The following ANKS1B variants were observed in gnomAD, a reference collection of about 807,000 sequenced individuals.
ANKS1B encodes the protein ankyrin repeat and sterile alpha motif domain-containing protein 1B.
A neutral mutation model predicts 148.3 loss-of-function variants in ANKS1B; 36 were observed. The ratio of observed to expected loss-of-function variants is 0.24; its 90% CI spans 0.19 to 0.32. ANKS1B has a LOEUF of 0.32. Ranked by LOEUF, ANKS1B falls within the 10% of genes least tolerant of loss-of-function variation. ANKS1B has a pLI of 1.00. For missense variants in ANKS1B, 1,157 were observed against 1,542.6 expected (o/e 0.75, Z 4.19); for synonymous variants, 542 against 560.8 (o/e 0.97, Z 0.47).
rs1306424606 is a variant in ANKS1B at position 99,405,798 on chromosome 12, A to G, written c.1576-5987T>C. ...ACAATCTATTGCCTGCAAGAAATAC[A>G]CTTCACCTATAAAGATACACATAGA... On this transcript the variant is annotated intron_variant, in intron 11 of 26. Coordinates refer to ENST00000683438, the MANE Select transcript of ANKS1B (RefSeq NM_001352186.2). Among the ~76,000 whole-genome samples, 6 of 145,126 alleles carry G rather than the reference A, an allele frequency of 4.1e-5. 2 individuals are homozygous for G. The highest frequency in any genetic ancestry group is 1.6e-4 in the African/African-American group (6 of 38,310).
At chr12:99,854,329 T>C (rs1319968167) in intron 1 of ANKS1B, among the ~76,000 whole-genome samples, 1 of 152,108 alleles carries the variant, frequency 6.6e-6, no homozygotes, top group Non-Finnish European at 1.5e-5. Context: ...GGTTTTTGAA[T>C]TAACCCAATC....
rs138044324 is a variant in ANKS1B at position 99,935,439 on chromosome 12, A to G, written c.134+48665T>C. On this transcript the variant is annotated intron_variant, in intron 1 of 26. Transcript: ENST00000683438. ...ACAGGTTTTGTGGTCAGGAGTCTGA[A>G]TTAGCTAGGTCCTCTACACAGGGTC... Among the ~76,000 whole-genome samples the G allele has an allele frequency of 5.3e-3, 812 of 152,138 alleles. 12 individuals carry two copies. The highest frequency in any genetic ancestry group is 0.019 in the African/African-American group (768 of 41,504).
chr12:99,701,833 G>A (rs942038703), intron 8 of ANKS1B, among the ~76,000 whole-genome samples: 5 of 151,990 alleles, frequency 3.3e-5, no homozygotes, highest in East Asian at 1.9e-4. Flanking sequence ...TTTATATAAC[G>A]TCCTCTAGTT....
At chr12:99,028,095 C>A (rs1016389067) in intron 17 of ANKS1B, among the ~76,000 whole-genome samples, 5 of 152,128 alleles carry the variant, frequency 3.3e-5, no homozygotes, top group African/African-American at 1.2e-4. Flanking sequence ...TGTCCAATGT[C>A]ATTTGTTATC....
At chr12:99,060,698 C>T (rs867330771) in intron 16 of ANKS1B, among the ~76,000 whole-genome samples, 135 of 42,096 alleles carry the variant, frequency 3.2e-3, no homozygotes, top group African/African-American at 8.0e-3. Context: ...CACACACACA[C>T]ACATATATAT....
At chr12:99,637,927 C>G (rs2098257386) in intron 9 of ANKS1B, among the ~76,000 whole-genome samples, 1 of 151,698 alleles carries the variant, frequency 6.6e-6, no homozygotes, top group Non-Finnish European at 1.5e-5. Flanking sequence ...CCCTAATACA[C>G]CATGTGTCAT....
At chr12:99,032,677 G>GT (rs1568459213) in intron 17 of ANKS1B, among the ~76,000 whole-genome samples, 2 of 152,156 alleles carry the variant, frequency 1.3e-5, no homozygotes, top group South Asian at 4.1e-4. Flanking sequence ...CTTTTGGAAT[G>GT]CCACCATTCA....
intron 10 of ANKS1B, among the ~76,000 whole-genome samples, chr12:99,493,657 C>A (rs2096575613): frequency 6.6e-6 from 1 of 152,050 alleles, no homozygotes; most frequent in East Asian, 1.9e-4. Flanking sequence ...GCAATAATGA[C>A]CTTCAGGCTG....
intron 17 of ANKS1B, among the ~76,000 whole-genome samples, chr12:98,970,604 G>A (rs1051346071): frequency 2.6e-5 from 4 of 152,160 alleles, no homozygotes; most frequent in African/African-American, 9.7e-5. Flanking sequence ...AGTTCATGTG[G>A]ATCAAAATTG....
chr12:98,776,390 T>C (rs148162719), intron 24 of ANKS1B, among the ~76,000 whole-genome samples: 9 of 152,316 alleles, frequency 5.9e-5, no homozygotes, highest in African/African-American at 1.9e-4. Context: ...TCTAAGCACA[T>C]TTTAAGAAGG....
chr12:99,077,892 A>C (rs2153606083), intron 16 of ANKS1B, among the ~76,000 whole-genome samples: 1 of 152,340 alleles, frequency 6.6e-6, no homozygotes, highest in African/African-American at 2.4e-5. Flanking sequence ...TCATCATATT[A>C]AGACATTTCT....
chr12:99,517,161 T>C (rs1567253846), intron 9 of ANKS1B, among the ~76,000 whole-genome samples: 1 of 152,148 alleles, frequency 6.6e-6, no homozygotes, highest in Non-Finnish European at 1.5e-5. Context: ...AAATATCTTT[T>C]CATTTTCTTG....
At chr12:99,010,386 G>A (rs944020069) in intron 17 of ANKS1B, among the ~76,000 whole-genome samples, 4 of 152,184 alleles carry the variant, frequency 2.6e-5, no homozygotes, top group Non-Finnish European at 5.9e-5. Flanking sequence ...AATGCTAGTT[G>A]TTATTAGTAT....
chr12:99,258,416 TATGATCTTCATTTAAAAAAAAAAGC>T (rs546195060), intron 12 of ANKS1B, among the ~76,000 whole-genome samples: 40 of 152,100 alleles, frequency 2.6e-4, no homozygotes, highest in South Asian at 6.2e-4. Flanking sequence ...CCAAGTAGTC[TATGATCTTCATTTAAAAAAAAAAGC>T]ATGCAAAATA....
intron 17 of ANKS1B, among the ~76,000 whole-genome samples, chr12:99,030,560 A>G (rs1477592630): frequency 6.6e-6 from 1 of 151,734 alleles, no homozygotes; most frequent in Non-Finnish European, 1.5e-5. Context: ...CTCCTGTACC[A>G]TATACCTCCT....
chr12:99,180,811 G>A (rs144108894), intron 14 of ANKS1B, among the ~76,000 whole-genome samples: 58 of 152,136 alleles, frequency 3.8e-4, no homozygotes, highest in Middle Eastern at 3.4e-3. Context: ...GACACTGAAA[G>A]TGCCTCAGAA....
chr12:98,982,186 T>C (rs1303322445), intron 17 of ANKS1B, among the ~76,000 whole-genome samples: 3 of 152,222 alleles, frequency 2.0e-5, no homozygotes, highest in Non-Finnish European at 4.4e-5. Flanking sequence ...TATAAAAATA[T>C]ATGTAAACTT....
intron 9 of ANKS1B, among the ~76,000 whole-genome samples, chr12:99,605,614 A>G (rs2097846048): frequency 6.6e-6 from 1 of 152,116 alleles, no homozygotes; most frequent in African/African-American, 2.4e-5. Context: ...CTTATTTCAC[A>G]TAACATAATG....
intron 17 of ANKS1B, among the ~76,000 whole-genome samples, chr12:98,842,226 A>G (rs1347210403): frequency 6.6e-6 from 1 of 152,234 alleles, no homozygotes; most frequent in Non-Finnish European, 1.5e-5. Context: ...TCATGCAACA[A>G]AATACTGCCT....
Sources: gnomAD v4.1 joint callset for allele counts (sites outside exome capture counted in the v4.1 genomes callset) on GRCh38, gnomAD v4.1.1 for gene constraint, MANE v1.5 for transcripts, NCBI Gene and HGNC (gene_info 2026-07-23, HGNC 2026-07-21) for gene names.